CPTP: variants seen among roughly 807,000 people sequenced by gnomAD.
CPTP encodes ceramide-1-phosphate transfer protein.
A neutral mutation model predicts 5.7 loss-of-function variants in CPTP; 5 were observed. The ratio of observed to expected loss-of-function variants is 0.88; its 90% CI spans 0.46 to 1.86. The LOEUF (loss-of-function observed/expected upper bound fraction) is 1.86. Among genes scored for constraint, CPTP ranks in the 40% most tolerant of loss-of-function variants. The pLI, the probability that CPTP is intolerant of heterozygous loss-of-function variation, is 0.01. For missense variants in CPTP, 335 were observed against 306.5 expected (o/e 1.09, Z -0.69); for synonymous variants, 166 against 142.7 (o/e 1.16, Z -1.16).
intron 1 of CPTP, among the ~76,000 whole-genome samples, chr1:1,326,532 A>G (rs987819354): frequency 3.7e-4 from 56 of 152,224 alleles, no homozygotes; most frequent in African/African-American, 1.3e-3. Context: ...AAACAAAAAC[A>G]AGAAAGCACC....
chr1:1,325,176 CCTG>C (rs1005020086), intron 1 of CPTP, 74 bp downstream of exon 1: 3 of 152,744 alleles, frequency 2.0e-5, no homozygotes, highest in Non-Finnish European at 4.4e-5. Flanking sequence ...GGCCCCGTCT[CCTG>C]CTGGCCCCCC....
chr1:1,328,656 C>T lies in CPTP; in HGVS notation c.*893C>T, dbSNP rs1643363492. On this transcript the variant is annotated 3_prime_UTR_variant, in exon 3 of 3. Transcript: ENST00000343938. ...CTCAGGAGACCCGTGGGGCACGGAACAGGAGGGTCTGGACCCTGTGGCCCA... is the reference window on the plus strand; with the variant it reads ...CTCAGGAGACCCGTGGGGCACGGAATAGGAGGGTCTGGACCCTGTGGCCCA... 6.6e-6 allele frequency: 1 copy of T among 152,530 alleles called. No homozygotes were observed. The highest frequency in any genetic ancestry group is 2.4e-5 in the African/African-American group (1 of 41,454). 9.4% of individuals were successfully genotyped at this position (152,530 alleles called of 1,614,324 possible).
At position 1,326,921 on chromosome 1, in the gene CPTP, C is replaced by G. The variant is rs576563684; in HGVS notation, c.11C>G (p.Ser4Trp). ...CGTTCCTATCAAAAAATGGATGACT[C>G]GGAGACAGGTTTCAATCTGAAAGTC... MDDSETGFNLKVVL... is the reference protein window; with the variant it reads MDDWETGFNLKVVL... The change falls in exon 2 of 3, where the codon TCG (serine) becomes TGG (tryptophan). Residue 4 changes from serine (S) to tryptophan (W), a missense_variant. Ser to Trp is a radical substitution (Grantham distance 177). Transcript: ENST00000343938. 6.2e-7 allele frequency: 1 copy of G among 1,613,676 alleles called. No homozygotes were observed. The highest frequency in any genetic ancestry group is 8.5e-7 in the Non-Finnish European group (1 of 1,179,974).
At position 1,327,623 on chromosome 1, in the gene CPTP, G is replaced by C; in HGVS notation, c.505G>C (p.Glu169Gln). The C allele has an allele frequency of 6.2e-7, 1 of 1,612,436 alleles. No homozygotes were observed. The highest frequency in any genetic ancestry group is 8.5e-7 in the Non-Finnish European group (1 of 1,179,810). ...GGCCTTCTGCACGCTGCCCACACGC[G>C]AGGTCTTCCTGGAGGCCATGAACGT... ...TVAFCTLPTR[E>Q]VFLEAMNVGP... The change falls in exon 3 of 3, where the codon GAG (glutamate) becomes CAG (glutamine). Residue 169 changes from glutamate (E) to glutamine (Q), a missense_variant. Physicochemically the swap from Glu to Gln is conservative, Grantham distance 29. Coordinates refer to ENST00000343938, the MANE Select transcript of CPTP (RefSeq NM_001029885.2).
At position 1,328,596 on chromosome 1, in the gene CPTP, T is replaced by C; in HGVS notation, c.*833T>C. The stretch of plus-strand genomic sequence containing the variant: ...ACCCAGTGAAATGCTGTGTCCCTTC[T>C]CCCCCGTGCCCCTTGATGCCCCCTC... On this transcript the variant is annotated 3_prime_UTR_variant, in exon 3 of 3. Coordinates refer to ENST00000343938, the MANE Select transcript of CPTP (RefSeq NM_001029885.2). 1 of 152,682 alleles carries C rather than the reference T, an allele frequency of 6.5e-6. No homozygotes were observed. The highest frequency in any genetic ancestry group is 1.5e-5 in the Non-Finnish European group (1 of 68,274). The allele number at this position is 152,682 out of a possible 1,614,324, so 9.5% of individuals were successfully genotyped here. A position where few individuals can be genotyped will look rare whatever the true frequency, so the allele number is the denominator to read the frequency against.
rs1193435976 is a variant in CPTP, at chr1:1,328,835, A to G, written c.*1072A>G. ...CATGCGAGCTTCCAGAGTGCAATCT[A>G]TGTGATGTCTTCCAACGTTAATAAA... On this transcript the variant is annotated 3_prime_UTR_variant, in exon 3 of 3. Coordinates refer to ENST00000343938, the MANE Select transcript of CPTP (RefSeq NM_001029885.2). 2.6e-5 allele frequency: 4 copies of G among 152,388 alleles called. No individual in the cohort carries two copies. The highest frequency in any genetic ancestry group is 2.0e-4 in the Admixed American group (3 of 15,288). The allele number at this position is 152,388 out of a possible 1,614,324, so 9.4% of individuals were successfully genotyped here. A position where few individuals can be genotyped will look rare whatever the true frequency, so the allele number is the denominator to read the frequency against.
At position 1,326,223 on chromosome 1, in the gene CPTP, C is replaced by T. The variant is rs570958346; in HGVS notation, c.-75-613C>T. 2.6e-5 allele frequency among the ~76,000 whole-genome samples: 4 copies of T among 152,384 alleles called. No homozygotes were observed. In the East Asian group the frequency reaches 7.7e-4, roughly 29 times the overall value. On this transcript the variant is annotated intron_variant, in intron 1 of 2. Coordinates refer to ENST00000343938, the MANE Select transcript of CPTP (RefSeq NM_001029885.2). ...GAGTGAAAACACGTGTCCATCCATCCAGCAAGTGCCAGCCCTACAGCCTCT... is the reference window on the plus strand; with the variant it reads ...GAGTGAAAACACGTGTCCATCCATCTAGCAAGTGCCAGCCCTACAGCCTCT...
In CPTP at chr1:1,327,376, G is replaced by A. The variant is rs1232748606; in HGVS notation, c.258G>A (p.Glu86=). The change falls in exon 3 of 3, where the codon GAG becomes GAA. Residue 86 remains glutamate, a synonymous_variant. Coordinates refer to ENST00000343938, the MANE Select transcript of CPTP (RefSeq NM_001029885.2). ...GCCTGCAGGCCATGGTGGCCCACGA[G>A]CTGAGCAACCGGCTGGTGGACCTGG... ...YRSLQAMVAH[E]LSNRLVDLER... 6.3e-7 allele frequency: 1 copy of A among 1,597,950 alleles called. No homozygotes were observed. The highest frequency in any genetic ancestry group is 8.5e-7 in the Non-Finnish European group (1 of 1,178,656).
At position 1,328,365 on chromosome 1, in the gene CPTP, G is replaced by C. The variant is rs937516401; in HGVS notation, c.*602G>C. ...GCCTTGTTTGCCCCTCAGCGTGCCA[G>C]GCAGACTGGGGGCAGGACAGCCGGA... On this transcript the variant is annotated 3_prime_UTR_variant, in exon 3 of 3. Coordinates refer to ENST00000343938, the MANE Select transcript of CPTP (RefSeq NM_001029885.2). 6.4e-6 allele frequency: 1 copy of C among 155,806 alleles called. No individual in the cohort carries two copies. 9.7% of individuals were successfully genotyped at this position (155,806 alleles called of 1,614,324 possible).
chr1:1,327,865 C>A lies in CPTP; in HGVS notation c.*102C>A. 1 of 1,318,312 alleles carries A rather than the reference C, an allele frequency of 7.6e-7. No individual in the cohort carries two copies. The highest frequency in any genetic ancestry group is 1.1e-6 in the Non-Finnish European group (1 of 946,158). The allele number at this position is 1,318,312 out of a possible 1,614,324, so 81.7% of individuals were successfully genotyped here. ...CAGAGCCTTCTGGGCGCTGCGGGAA[C>A]AGGAGATCCTCTGTCGCCCCTGTGA... On this transcript the variant is annotated 3_prime_UTR_variant, in exon 3 of 3. Transcript: ENST00000343938.
intron 1 of CPTP, among the ~76,000 whole-genome samples, chr1:1,326,635 G>A (rs1449150221): frequency 6.6e-6 from 1 of 152,194 alleles, no homozygotes; most frequent in Non-Finnish European, 1.5e-5. Context: ...CGGAGTCAGT[G>A]GCCTGATCCA....
Position 1,327,954 on chromosome 1 carries a change from A to C in CPTP, c.*191A>C. The C allele has an allele frequency of 1.5e-6, 1 of 655,050 alleles. No individual in the cohort carries two copies. Among genetic ancestry groups the C allele is most frequent in the Non-Finnish European group, 2.6e-6 (1 of 388,048 alleles). The allele number at this position is 655,050 out of a possible 1,614,324, so 40.6% of individuals were successfully genotyped here. ...GTGGCGACCAGCCCAGAAGAGGCCC[A>C]CCCTCTCGGTCCGGAACAAGACGCC... On this transcript the variant is annotated 3_prime_UTR_variant, in exon 3 of 3. Transcript: ENST00000343938.
rs746063917 is a variant in CPTP, at chr1:1,327,405, G to C, written c.287G>C (p.Arg96Pro). The change falls in exon 3 of 3, where the codon CGC becomes CCC. Residue 96 changes from arginine (R) to proline (P), a missense_variant. Physicochemically the swap from Arg to Pro is moderately radical, Grantham distance 103. Coordinates refer to ENST00000343938, the MANE Select transcript of CPTP (RefSeq NM_001029885.2). ...ELSNRLVDLE[R>P]RSHHPESGCR... ...AGCAACCGGCTGGTGGACCTGGAGC[G>C]CCGCTCCCACCACCCGGAGTCTGGC... 4 of 1,593,440 alleles carry C rather than the reference G, an allele frequency of 2.5e-6. No individual in the cohort carries two copies. The highest frequency in any genetic ancestry group is 1.7e-4 in the Middle Eastern group (1 of 6,038).
chr1:1,327,379 G>A lies in CPTP; in HGVS notation c.261G>A (p.Leu87=). 6.3e-7 allele frequency: 1 copy of A among 1,597,824 alleles called. No homozygotes were observed. Among genetic ancestry groups the A allele is most frequent in the Non-Finnish European group, 8.5e-7 (1 of 1,178,544 alleles). ...TGCAGGCCATGGTGGCCCACGAGCTGAGCAACCGGCTGGTGGACCTGGAGC... is the reference window on the plus strand; with the variant it reads ...TGCAGGCCATGGTGGCCCACGAGCTAAGCAACCGGCTGGTGGACCTGGAGC... ...RSLQAMVAHE[L]SNRLVDLERR... Residue 87 remains leucine, a synonymous_variant, in exon 3 of 3, where the codon CTG becomes CTA. Transcript: ENST00000343938.
At position 1,326,887 on chromosome 1, in the gene CPTP, C is replaced by T. The variant is rs1380642047; in HGVS notation, c.-24C>T. The stretch of plus-strand genomic sequence containing the variant: ...CCAGCGACACAGCCCCCCAGCCCTA[C>T]TGTATTTCCGTTCCTATCAAAAAAT... On this transcript the variant is annotated 5_prime_UTR_variant, in exon 2 of 3. Coordinates refer to ENST00000343938, the MANE Select transcript of CPTP (RefSeq NM_001029885.2). 2 of 1,613,616 alleles carry T rather than the reference C, an allele frequency of 1.2e-6. No homozygotes were observed. The highest frequency in any genetic ancestry group is 1.7e-6 in the Non-Finnish European group (2 of 1,179,898).
chr1:1,327,599 G>C lies in CPTP; in HGVS notation c.481G>C (p.Ala161Pro). 2 of 1,611,226 alleles carry C rather than the reference G, an allele frequency of 1.2e-6. No homozygotes were observed. The highest frequency in any genetic ancestry group is 1.7e-6 in the Non-Finnish European group (2 of 1,179,426). ...GGTCGTGCGCCGCGCCGTCACCGTG[G>C]CCTTCTGCACGCTGCCCACACGCGA... is the stretch of plus-strand genomic sequence containing the variant. ...PWVVRRAVTV[A>P]FCTLPTREVF... The change falls in exon 3 of 3, where the codon GCC becomes CCC. Residue 161 changes from alanine (A) to proline (P), a missense_variant. By Grantham distance (27) the Ala-to-Pro change is conservative. Transcript: ENST00000343938.
chr1:1,327,063 G>A, intron 2 of CPTP, 31 bp downstream of exon 2: 1 of 1,611,328 alleles, frequency 6.2e-7, no homozygotes, highest in Non-Finnish European at 8.5e-7. Context: ...TCCTGAGGTG[G>A]GCGCTCCCCT....
Position 1,327,601 on chromosome 1 carries a change from C to T in CPTP, c.483C>T (p.Ala161=). The change falls in exon 3 of 3, where the codon GCC becomes GCT. Residue 161 remains alanine (A), a synonymous_variant. Transcript: ENST00000343938. The stretch of plus-strand genomic sequence containing the variant: ...TCGTGCGCCGCGCCGTCACCGTGGC[C>T]TTCTGCACGCTGCCCACACGCGAGG... The part of the protein sequence containing the change: ...PWVVRRAVTV[A]FCTLPTREVF... The T allele has an allele frequency of 6.2e-7, 1 of 1,611,550 alleles. No homozygotes were observed. Among genetic ancestry groups the T allele is most frequent in the Non-Finnish European group, 8.5e-7 (1 of 1,179,504 alleles).
Position 1,327,536 on chromosome 1 carries a change from GACTCCTACAAC to G in CPTP, c.419_429del (p.Asp140GlyfsTer187). On this transcript the variant is annotated frameshift_variant, in exon 3 of 3. Coordinates refer to ENST00000343938, the MANE Select transcript of CPTP (RefSeq NM_001029885.2). LOFTEE classifies it high-confidence loss of function. ...CGCACGCACCTCCGCGCTCTGCGCC[GACTCCTACAAC>G]GCCTCGCTGGCCGCCTACCACCCCT... is the stretch of plus-strand genomic sequence containing the variant. The G allele has an allele frequency of 6.3e-7, 1 of 1,587,944 alleles. No individual in the cohort carries two copies. Among genetic ancestry groups the G allele is most frequent in the Admixed American group, 1.8e-5 (1 of 56,428 alleles).
Sources: allele counts gnomAD v4.1 joint callset (sites outside exome capture counted in the v4.1 genomes callset), GRCh38; gene constraint gnomAD v4.1.1; transcripts MANE v1.5; gene names NCBI Gene and HGNC (gene_info 2026-07-23, HGNC 2026-07-21).